Variants in TRMT9B observed in about 807,000 individuals in gnomAD.
TRMT9B encodes the protein tRNA methyltransferase 9B (putative).
Under a neutral mutation model 11.5 loss-of-function variants are expected in TRMT9B, and 16 were observed. The ratio of observed to expected loss-of-function variants is 1.39; its 90% CI spans 0.94 to 2.11. The LOEUF (loss-of-function observed/expected upper bound fraction) is 2.11, where lower values mean the gene tolerates loss of function less well. Among genes scored for constraint, TRMT9B ranks in the 30% most tolerant of loss-of-function variants. The pLI is 0.00. For missense variants in TRMT9B, 941 were observed against 553.8 expected (o/e 1.70, Z -7.02); for synonymous variants, 274 against 192.4 (o/e 1.42, Z -3.51).
chr8:12,992,204 A>G (rs1406973679), intron 2 of TRMT9B, among the ~76,000 whole-genome samples: 1 of 152,246 alleles, frequency 6.6e-6, no homozygotes, highest in African/African-American at 2.4e-5. Context: ...TATGATGTAC[A>G]GATGAGACAT....
intron 2 of TRMT9B, among the ~76,000 whole-genome samples, chr8:13,004,466 G>T (rs1306886629): frequency 6.6e-6 from 1 of 151,760 alleles, no homozygotes; most frequent in African/African-American, 2.4e-5. Flanking sequence ...TTGTATTTTG[G>T]ATACCAGTTC....
rs1441596070 is a variant in TRMT9B at position 13,022,956 on chromosome 8, C to T, written c.*912C>T. The T allele has an allele frequency of 6.0e-6, 1 of 166,574 alleles. No homozygotes were observed. The highest frequency in any genetic ancestry group is 1.5e-5 in the Non-Finnish European group (1 of 68,120). 10.3% of individuals were successfully genotyped at this position (166,574 alleles called of 1,614,324 possible). On this transcript the variant is annotated 3_prime_UTR_variant, in exon 5 of 5. Transcript: ENST00000524591. ...TATGATTGCATCACTGCACTGCAGC[C>T]TGGGCAACATAGCAAGACTCTGTCT...
intron 2 of TRMT9B, 42 bp downstream of exon 2, chr8:12,991,073 G>A (rs562000483): frequency 9.5e-7 from 1 of 1,055,084 alleles, no homozygotes; most frequent in Non-Finnish European, 1.2e-6. Flanking sequence ...ATACCATGAG[G>A]TGTTTTTAGC....
intron 1 of TRMT9B, chr8:12,960,483 C>A (rs1801954988): frequency 1.3e-5 from 2 of 152,158 alleles, no homozygotes; most frequent in African/African-American, 2.4e-5. Context: ...AATGAACAGG[C>A]AACTCCACAC....
At chr8:12,981,481 G>T (rs1450162723) in intron 1 of TRMT9B, among the ~76,000 whole-genome samples, 1 of 152,178 alleles carries the variant, frequency 6.6e-6, no homozygotes, top group Non-Finnish European at 1.5e-5. Context: ...TTTAGGACTT[G>T]AGTGTGACGG....
intron 2 of TRMT9B, among the ~76,000 whole-genome samples, chr8:12,992,253 C>G (rs1807483307): frequency 6.6e-6 from 1 of 152,140 alleles, no homozygotes; most frequent in Admixed American, 6.5e-5. Flanking sequence ...TCCATCTCTG[C>G]CGTCCAAAAA....
intron 1 of TRMT9B, among the ~76,000 whole-genome samples, chr8:12,960,826 G>A (rs1802007886): frequency 6.6e-6 from 1 of 152,088 alleles, no homozygotes; most frequent in Non-Finnish European, 1.5e-5. Flanking sequence ...AGAAGAATAG[G>A]TTAAACACCA....
In TRMT9B at chr8:13,027,519, C is replaced by T. The variant is rs376208335; in HGVS notation, c.*5475C>T. 28 of 167,112 alleles carry T rather than the reference C, an allele frequency of 1.7e-4. No individual in the cohort carries two copies. The East Asian group carries it at 3.7e-3, about 22-fold the overall frequency. The allele number at this position is 167,112 out of a possible 1,614,324, so 10.4% of individuals were successfully genotyped here. A position where few individuals can be genotyped will look rare whatever the true frequency, so the allele number is the denominator to read the frequency against. ...GACTCCTTTGGATGGCATTCAGGCC[C>T]TTCATAAAGTAACTCTGAATTATTT... On this transcript the variant is annotated 3_prime_UTR_variant, in exon 5 of 5. Transcript: ENST00000524591.
rs1039106087 is a variant in TRMT9B, at chr8:13,005,245, G to C, written c.-1-957G>C. Among the ~76,000 whole-genome samples the C allele has an allele frequency of 4.6e-5, 7 of 152,192 alleles. No homozygotes were observed. The East Asian group carries it at 1.4e-3, about 29-fold the overall frequency. ...GTGGCAGCTAAAAATTAAAATAATT[G>C]AACTCATGGTTATAGAGAGTAGAAG... On this transcript the variant is annotated intron_variant, in intron 2 of 4. Transcript: ENST00000524591.
intron 1 of TRMT9B, among the ~76,000 whole-genome samples, chr8:12,972,873 A>C (rs1417797805): frequency 1.3e-5 from 2 of 152,128 alleles, no homozygotes; most frequent in African/African-American, 4.8e-5. Flanking sequence ...TAATTATATA[A>C]CTCAGGGGCG....
At chr8:13,010,941 T>C in intron 3 of TRMT9B, 2 of 909,186 alleles carry the variant, frequency 2.2e-6, no homozygotes, top group Non-Finnish European at 2.6e-6. Context: ...ATCATAGAAA[T>C]AATATGGTCA....
chr8:12,955,239 C>G (rs149344778), intron 1 of TRMT9B, among the ~76,000 whole-genome samples: 4 of 152,128 alleles, frequency 2.6e-5, no homozygotes, highest in Non-Finnish European at 4.4e-5. Flanking sequence ...GAGCCAGAGG[C>G]TGTCACACTT....
chr8:12,979,307 C>T (rs1238114710), intron 1 of TRMT9B, among the ~76,000 whole-genome samples: 2 of 152,010 alleles, frequency 1.3e-5, no homozygotes, highest in Non-Finnish European at 2.9e-5. Context: ...ATTTGGCAGC[C>T]TATAGATTCT....
At chr8:13,020,574 T>G (rs1813641603) in intron 4 of TRMT9B, among the ~76,000 whole-genome samples, 1 of 152,224 alleles carries the variant, frequency 6.6e-6, no homozygotes, top group South Asian at 2.1e-4. Context: ...GAAGTACAAA[T>G]TGTTCATTAA....
intron 1 of TRMT9B, among the ~76,000 whole-genome samples, chr8:12,955,433 C>T (rs139987685): frequency 6.6e-6 from 1 of 152,088 alleles, no homozygotes; most frequent in African/African-American, 2.4e-5. Flanking sequence ...CTCCTATCCT[C>T]CCTTCTTTTC....
intron 2 of TRMT9B, among the ~76,000 whole-genome samples, chr8:12,992,383 A>C (rs1196787957): frequency 6.6e-6 from 1 of 152,156 alleles, no homozygotes; most frequent in Non-Finnish European, 1.5e-5. Context: ...GGCCGGGCAC[A>C]GTGGCTCACA....
intron 2 of TRMT9B, among the ~76,000 whole-genome samples, chr8:13,003,202 G>A (rs140860583): frequency 2.0e-5 from 3 of 152,286 alleles, no homozygotes; most frequent in African/African-American, 7.2e-5. Flanking sequence ...TGCATGGGAT[G>A]CAATAGCTGA....
At chr8:12,974,209 C>T (rs1804069233) in intron 1 of TRMT9B, among the ~76,000 whole-genome samples, 1 of 151,956 alleles carries the variant, frequency 6.6e-6, no homozygotes, top group Non-Finnish European at 1.5e-5. Context: ...GCTCCCTAAC[C>T]TCTCCTTGCC....
At chr8:13,011,625 T>C (rs1008328951) in intron 3 of TRMT9B, 6 of 971,548 alleles carry the variant, frequency 6.2e-6, no homozygotes, top group Non-Finnish European at 7.3e-6. Context: ...TATTCATTCA[T>C]GTTACTACCT....
Sources: allele counts gnomAD v4.1 joint callset (sites outside exome capture counted in the v4.1 genomes callset), GRCh38; gene constraint gnomAD v4.1.1; transcripts MANE v1.5; gene names NCBI Gene and HGNC (gene_info 2026-07-23, HGNC 2026-07-21).